ASXL2: variants seen among roughly 807,000 people sequenced by gnomAD.
ASXL2 encodes the protein putative Polycomb group protein ASXL2.
In ASXL2, 23 loss-of-function variants were observed where a neutral mutation model predicts 122.0. That is an observed-to-expected ratio of 0.19 (90% CI 0.14 to 0.27). ASXL2 has a LOEUF of 0.27. Ranked by LOEUF, ASXL2 falls within the 10% of genes least tolerant of loss-of-function variation. The pLI is 1.00. For synonymous variants in ASXL2, 650 were observed against 637.0 expected (o/e 1.02, Z -0.31); for missense variants, 1,518 against 1,713.8 (o/e 0.89, Z 2.02).
intron 1 of ASXL2, among the ~76,000 whole-genome samples, chr2:25,875,534 TATA>T (rs1194196014): frequency 6.6e-6 from 1 of 151,958 alleles, no homozygotes; most frequent in Non-Finnish European, 1.5e-5. Flanking sequence ...TTATTTTGCT[TATA>T]ATAACCTTAC....
chr2:25,870,783 A>G (rs1164768465), intron 1 of ASXL2, among the ~76,000 whole-genome samples: 1 of 152,242 alleles, frequency 6.6e-6, no homozygotes, highest in African/African-American at 2.4e-5. Flanking sequence ...CATGTAAAAT[A>G]AAGGTATACC....
intron 5 of ASXL2, among the ~76,000 whole-genome samples, chr2:25,783,336 A>G (rs1387922771): frequency 1.3e-5 from 2 of 151,836 alleles, no homozygotes; most frequent in African/African-American, 2.4e-5. Flanking sequence ...GTACTGTGAA[A>G]AAGTCTGATG....
chr2:25,874,316 C>A (rs907522454), intron 1 of ASXL2, among the ~76,000 whole-genome samples: 2 of 152,154 alleles, frequency 1.3e-5, no homozygotes, highest in Non-Finnish European at 2.9e-5. Context: ...TGGCGAAACC[C>A]CATCTCTACA....
Position 25,752,144 on chromosome 2 carries a change from T to C in ASXL2, c.1142+1390A>G, listed in dbSNP as rs140184949. On this transcript the variant is annotated intron_variant, in intron 11 of 12. Coordinates refer to ENST00000435504, the MANE Select transcript of ASXL2 (RefSeq NM_018263.6). ...TGTGAAGGAGATGGATAAATACTAC[T>C]TGGAGACAAGGAAAAGGAGAACTTA... is the stretch of plus-strand genomic sequence containing the variant. 2.8e-4 allele frequency among the ~76,000 whole-genome samples: 43 copies of C among 152,246 alleles called. No individual in the cohort carries two copies. In the East Asian group the frequency reaches 7.3e-3, roughly 26 times the overall value.
chr2:25,828,046 A>G (rs1314753454), intron 3 of ASXL2, among the ~76,000 whole-genome samples: 1 of 152,198 alleles, frequency 6.6e-6, no homozygotes, highest in African/African-American at 2.4e-5. Context: ...AAATGAAAAA[A>G]AAAAAGGAGT....
At chr2:25,863,102 C>T (rs1445466971) in intron 1 of ASXL2, among the ~76,000 whole-genome samples, 1 of 149,724 alleles carries the variant, frequency 6.7e-6, no homozygotes, top group Non-Finnish European at 1.5e-5. Flanking sequence ...GGCCGAAGCA[C>T]GTGGATCACA....
At chr2:25,767,311 G>A (rs1426034008) in intron 8 of ASXL2, among the ~76,000 whole-genome samples, 1 of 152,164 alleles carries the variant, frequency 6.6e-6, no homozygotes, top group African/African-American at 2.4e-5. Flanking sequence ...AATAAAGTTT[G>A]TTAAGAGGAA....
At chr2:25,832,821 C>T (rs1198230343) in intron 3 of ASXL2, among the ~76,000 whole-genome samples, 4 of 152,092 alleles carry the variant, frequency 2.6e-5, no homozygotes, top group African/African-American at 9.7e-5. Flanking sequence ...TAGAAACGGT[C>T]GCACGTCCAT....
chr2:25,777,550 C>T (rs975445465), intron 5 of ASXL2, among the ~76,000 whole-genome samples: 5 of 151,702 alleles, frequency 3.3e-5, no homozygotes, highest in African/African-American at 1.2e-4. Flanking sequence ...GGTTGCACTC[C>T]AGCCTAGGGG....
chr2:25,759,775 C>T (rs2088208664), intron 8 of ASXL2, 130 bp from the exon 9 acceptor site: 2 of 918,994 alleles, frequency 2.2e-6, no homozygotes, highest in East Asian at 5.1e-5. Context: ...AAGAAGGTAA[C>T]ACTTAAGATC....
intron 1 of ASXL2, among the ~76,000 whole-genome samples, chr2:25,854,135 T>A (rs1158955660): frequency 6.6e-6 from 1 of 152,176 alleles, no homozygotes; most frequent in Non-Finnish European, 1.5e-5. Context: ...TGAACAGCTC[T>A]ATCAAGTCAC....
intron 1 of ASXL2, among the ~76,000 whole-genome samples, chr2:25,850,660 T>C (rs1046806456): frequency 6.6e-6 from 1 of 152,186 alleles, no homozygotes; most frequent in African/African-American, 2.4e-5. Context: ...ATCCACTTAT[T>C]ATAAAGTTTC....
At chr2:25,747,288 T>G (rs1461362275) in intron 12 of ASXL2, among the ~76,000 whole-genome samples, 2 of 152,208 alleles carry the variant, frequency 1.3e-5, no homozygotes, top group Non-Finnish European at 2.9e-5. Flanking sequence ...ATAAAAGTTG[T>G]AACTAAGTTA....
chr2:25,783,875 G>GA (rs1400047537), intron 5 of ASXL2, among the ~76,000 whole-genome samples: 3 of 151,936 alleles, frequency 2.0e-5, no homozygotes, highest in African/African-American at 7.3e-5. Flanking sequence ...CCAACATGGT[G>GA]AAACCCCGAC....
intron 1 of ASXL2, among the ~76,000 whole-genome samples, chr2:25,849,401 C>T (rs889185033): frequency 1.1e-4 from 15 of 136,104 alleles, no homozygotes; most frequent in Middle Eastern, 4.5e-3. Context: ...TACAGTGAGA[C>T]GAGACAGCGC....
chr2:25,856,820 C>T, intron 1 of ASXL2: 1 of 1,094,302 alleles, frequency 9.1e-7, no homozygotes, highest in Non-Finnish European at 1.4e-6. Flanking sequence ...GGTCATCCCC[C>T]ACAATCTGGA....
At chr2:25,857,800 T>C (rs1351998956) in intron 1 of ASXL2, among the ~76,000 whole-genome samples, 1 of 152,236 alleles carries the variant, frequency 6.6e-6, no homozygotes, top group African/African-American at 2.4e-5. Context: ...TTATTTACCA[T>C]GTTGTCCATC....
At chr2:25,837,993 C>T (rs1265798184) in intron 2 of ASXL2, among the ~76,000 whole-genome samples, 3 of 150,520 alleles carry the variant, frequency 2.0e-5, no homozygotes, top group Admixed American at 6.6e-5. Flanking sequence ...TAGCCAAGCA[C>T]GGTGGCGCAC....
intron 3 of ASXL2, among the ~76,000 whole-genome samples, chr2:25,826,806 T>A (rs2089384022): frequency 1.4e-5 from 2 of 146,044 alleles, no homozygotes; most frequent in African/African-American, 5.0e-5. Flanking sequence ...GACCAGATGC[T>A]TAAATGCCCT....
Sources: allele counts gnomAD v4.1 joint callset (sites outside exome capture counted in the v4.1 genomes callset), GRCh38; gene constraint gnomAD v4.1.1; transcripts MANE v1.5; gene names NCBI Gene and HGNC (gene_info 2026-07-23, HGNC 2026-07-21).